GLG1: variants seen among roughly 807,000 people sequenced by gnomAD.
The protein encoded by GLG1 is Golgi apparatus protein 1.
In GLG1, 38 loss-of-function variants were observed where a neutral mutation model predicts 160.5. The observed-to-expected ratio is 0.24, with a 90% CI of 0.18 to 0.31. GLG1 has a LOEUF of 0.31. GLG1 is among the 10% of genes least tolerant of loss of function. The probability of loss-of-function intolerance (pLI) is 1.00; values close to 1 mark genes in which losing one functional copy is unlikely to be tolerated. For synonymous variants in GLG1, 644 were observed against 543.4 expected (o/e 1.19, Z -2.57); for missense variants, 1,373 against 1,505.2 (o/e 0.91, Z 1.45).
At chr16:74,499,254 T>C (rs1419403397) in intron 4 of GLG1, among the ~76,000 whole-genome samples, 1 of 152,106 alleles carries the variant, frequency 6.6e-6, no homozygotes, top group African/African-American at 2.4e-5. Flanking sequence ...TTTTTATTTA[T>C]TTAAGAGACA....
At chr16:74,535,887 T>C (rs1467720550) in intron 1 of GLG1, among the ~76,000 whole-genome samples, 3 of 152,026 alleles carry the variant, frequency 2.0e-5, no homozygotes, top group Non-Finnish European at 2.9e-5. Context: ...ATTTCAGAAA[T>C]TTAGAGGGGT....
At chr16:74,514,898 CAT>C (rs2016931002) in intron 2 of GLG1, among the ~76,000 whole-genome samples, 1 of 151,894 alleles carries the variant, frequency 6.6e-6, no homozygotes, top group Non-Finnish European at 1.5e-5. Context: ...AGACGCATCT[CAT>C]GTGCAAAGAC....
At chr16:74,485,339 C>G (rs1215662123) in intron 9 of GLG1, among the ~76,000 whole-genome samples, 1 of 152,246 alleles carries the variant, frequency 6.6e-6, no homozygotes, top group Non-Finnish European at 1.5e-5. Flanking sequence ...CTACTCCCTT[C>G]AACTACCACA....
chr16:74,471,285 T>C lies in GLG1; in HGVS notation c.2117A>G (p.Asp706Gly). ...CEPIIQNFCH[D>G]VADNQIDSGD... ...AGAGTCTATCTGGTTATCTGCCACATCCTGGGGAAGACAGCATGCATTTAC... is the reference window on the plus strand; with the variant it reads ...AGAGTCTATCTGGTTATCTGCCACACCCTGGGGAAGACAGCATGCATTTAC... The change falls in exon 15 of 26, where the codon GAT (aspartate) becomes GGT (glycine). Residue 706 changes from aspartate (D) to glycine (G), a missense_variant and splice_region_variant. This residue lies in a region of GLG1 where 491 missense variants were observed against 632.1 expected (regional missense o/e 0.78). Coordinates refer to ENST00000422840, the MANE Select transcript of GLG1 (RefSeq NM_001145667.2). 2 of 1,526,908 alleles carry C rather than the reference T, an allele frequency of 1.3e-6. No individual in the cohort carries two copies. Among genetic ancestry groups the C allele is most frequent in the Non-Finnish European group, 1.8e-6 (2 of 1,100,714 alleles). 94.6% of individuals were successfully genotyped at this position (1,526,908 alleles called of 1,614,324 possible).
intron 2 of GLG1, among the ~76,000 whole-genome samples, chr16:74,513,594 G>GCATCAA (rs1336780708): frequency 6.6e-6 from 1 of 152,102 alleles, no homozygotes; most frequent in Non-Finnish European, 1.5e-5. Flanking sequence ...GAAAGGAATA[G>GCATCAA]CATCAACATC....
At chr16:74,456,579 G>A in intron 25 of GLG1, 70 bp downstream of exon 25, 1 of 921,446 alleles carries the variant, frequency 1.1e-6, no homozygotes. Context: ...GCTCAAGGAT[G>A]ACATGCAAAT....
At chr16:74,580,278 G>C (rs1260516921) in intron 1 of GLG1, among the ~76,000 whole-genome samples, 2 of 151,914 alleles carry the variant, frequency 1.3e-5, no homozygotes, top group African/African-American at 4.8e-5. Context: ...GAGCCCAGGA[G>C]TTTGAGACCA....
chr16:74,492,833 AAAAAAAG>A, intron 7 of GLG1, 117 bp downstream of exon 7: 1 of 526,986 alleles, frequency 1.9e-6, no homozygotes, highest in Non-Finnish European at 3.0e-6. Flanking sequence ...GAAAAAAAAA[AAAAAAAG>A]AAAAATACTC....
At chr16:74,509,830 C>A (rs1261495062) in intron 2 of GLG1, among the ~76,000 whole-genome samples, 5 of 145,700 alleles carry the variant, frequency 3.4e-5, no homozygotes, top group Non-Finnish European at 6.0e-5. Flanking sequence ...GGATGGGCAA[C>A]AGAGCAAGAC....
At position 74,512,951 on chromosome 16, in the gene GLG1, G is replaced by C. The variant is rs187400046; in HGVS notation, c.472-4026C>G. Among the ~76,000 whole-genome samples, 881 of 152,258 alleles carry C rather than the reference G, an allele frequency of 5.8e-3. 1 individual carries two copies. Among genetic ancestry groups the C allele is most frequent in the Middle Eastern group, 0.014 (4 of 294 alleles). ...AGCAATTTAGTCAGATGAACTGACG[G>C]AGATTGGGCTTCTAAGTGTACAAAA... On this transcript the variant is annotated intron_variant, in intron 2 of 25. Coordinates refer to ENST00000422840, the MANE Select transcript of GLG1 (RefSeq NM_001145667.2).
chr16:74,455,293 G>A (rs181535370), intron 25 of GLG1, among the ~76,000 whole-genome samples: 1 of 152,248 alleles, frequency 6.6e-6, no homozygotes, highest in East Asian at 1.9e-4. Context: ...CATCTGGGCT[G>A]TTTCTATGCT....
intron 10 of GLG1, 50 bp from the exon 11 acceptor site, chr16:74,480,444 T>C (rs762445024): frequency 1.4e-6 from 2 of 1,398,734 alleles, no homozygotes; most frequent in Admixed American, 2.0e-5. Flanking sequence ...GACATTTCCT[T>C]CTAACACAGG....
intron 4 of GLG1, among the ~76,000 whole-genome samples, chr16:74,502,037 C>T (rs548851280): frequency 3.3e-5 from 5 of 152,320 alleles, no homozygotes; most frequent in African/African-American, 1.2e-4. Flanking sequence ...TTCATTTGAA[C>T]GGTGTGCTCA....
In GLG1 at chr16:74,569,875, G is replaced by GA. The variant is rs1248515307; in HGVS notation, c.438+36781dup. ...AAACTCCAACTCAAAAAAAAAAAAA[G>GA]AAAAAAAAAAAAAAGCAACGGTTTT... On this transcript the variant is annotated intron_variant, in intron 1 of 25. Transcript: ENST00000422840. Among the ~76,000 whole-genome samples, 327 of 108,028 alleles carry GA rather than the reference G, an allele frequency of 3.0e-3. 2 individuals are homozygous for GA. The highest frequency in any genetic ancestry group is 7.2e-3 in the African/African-American group (213 of 29,488). 70.9% of individuals were successfully genotyped at this position (108,028 alleles called of 152,430 possible). A position where few individuals can be genotyped will look rare whatever the true frequency, so the allele number is the denominator to read the frequency against.
intron 1 of GLG1, among the ~76,000 whole-genome samples, chr16:74,605,377 T>C (rs1256960490): frequency 6.6e-6 from 1 of 152,208 alleles, no homozygotes; most frequent in Non-Finnish European, 1.5e-5. Context: ...CTACTACTAA[T>C]TGTTTGGTCA....
At chr16:74,566,339 C>CTATT (rs970238275) in intron 1 of GLG1, among the ~76,000 whole-genome samples, 10 of 152,192 alleles carry the variant, frequency 6.6e-5, no homozygotes, top group Admixed American at 2.6e-4. Flanking sequence ...TTTGTCTTTT[C>CTATT]TATTTATTTA....
intron 2 of GLG1, among the ~76,000 whole-genome samples, chr16:74,513,889 T>G (rs2016891906): frequency 6.6e-6 from 1 of 152,032 alleles, no homozygotes; most frequent in South Asian, 2.1e-4. Flanking sequence ...GCTAAAAACC[T>G]TGAAAAAAGG....
At chr16:74,598,865 G>C (rs930435046) in intron 1 of GLG1, among the ~76,000 whole-genome samples, 1 of 151,552 alleles carries the variant, frequency 6.6e-6, no homozygotes, top group Non-Finnish European at 1.5e-5. Flanking sequence ...GCCTGAGCAA[G>C]AGCGAAACTC....
rs144270473 is a variant in GLG1, at chr16:74,486,525, T to C, written c.1450-608A>G. 2.9e-3 allele frequency among the ~76,000 whole-genome samples: 441 copies of C among 152,364 alleles called. 1 individual carries two copies. Among genetic ancestry groups the C allele is most frequent in the African/African-American group, 0.01 (419 of 41,590 alleles). On this transcript the variant is annotated intron_variant, in intron 8 of 25. Coordinates refer to ENST00000422840, the MANE Select transcript of GLG1 (RefSeq NM_001145667.2). ...TAAACCAGAGCTTGCTCATTCTAAGTACATAGAAAAATACTTGTCATTATG... is the reference window on the plus strand; with the variant it reads ...TAAACCAGAGCTTGCTCATTCTAAGCACATAGAAAAATACTTGTCATTATG...
Sources: gnomAD v4.1 joint callset for allele counts (sites outside exome capture counted in the v4.1 genomes callset) on GRCh38, gnomAD v4.1.1 for gene constraint, gnomAD v4.1.1 regional missense constraint, MANE v1.5 for transcripts, NCBI Gene and HGNC (gene_info 2026-07-23, HGNC 2026-07-21) for gene names.